NFYA: variants seen among roughly 807,000 people sequenced by gnomAD.
The protein encoded by NFYA is nuclear transcription factor Y subunit alpha, also known as CAAT-box DNA binding protein subunit A.
Under a neutral mutation model 52.8 loss-of-function variants are expected in NFYA, and 28 were observed. That is an observed-to-expected ratio of 0.53 (90% confidence interval 0.39 to 0.73). NFYA has a LOEUF of 0.73. Ranked by LOEUF, NFYA falls within the 30% of genes least tolerant of loss-of-function variation. The probability of loss-of-function intolerance (pLI) is 0.00; values close to 1 mark genes in which losing one functional copy is unlikely to be tolerated. For synonymous variants in NFYA, 150 were observed against 150.7 expected (o/e 1.00, Z 0.03); for missense variants, 234 against 427.0 (o/e 0.55, Z 3.98).
rs1365097046 is a variant in NFYA, at chr6:41,094,434, A to G, written c.927A>G (p.Ala309=). 2 of 1,614,222 alleles carry G rather than the reference A, an allele frequency of 1.2e-6. No homozygotes were observed. The highest frequency in any genetic ancestry group is 2.2e-5 in the South Asian group (2 of 91,090). The change falls in exon 9 of 10, where the codon GCA becomes GCG. Residue 309 remains alanine, a synonymous_variant. Transcript: ENST00000341376. The part of the protein sequence containing the change: ...LHESRHRHAM[A]RKRGEGGRFF... Reference sequence around the variant, plus strand: ...AGTCTCGGCACCGTCATGCCATGGCACGGAAGCGTGGTGAAGGTGGACGAT... The same window carrying G: ...AGTCTCGGCACCGTCATGCCATGGCGCGGAAGCGTGGTGAAGGTGGACGAT...
In NFYA at chr6:41,091,791, G is replaced by A. The variant is rs553670537; in HGVS notation, c.714+97G>A. The A allele has an allele frequency of 1.7e-4, 231 of 1,386,162 alleles. 1 individual carries two copies. The Admixed American group carries it at 4.4e-3, about 27-fold the overall frequency. The allele number at this position is 1,386,162 out of a possible 1,614,324, so 85.9% of individuals were successfully genotyped here. A position where few individuals can be genotyped will look rare whatever the true frequency, so the allele number is the denominator to read the frequency against. On this transcript the variant is annotated intron_variant, in intron 7 of 9. Coordinates refer to ENST00000341376, the MANE Select transcript of NFYA (RefSeq NM_002505.5). ...TATTATGTTGACCTCTTGGGATTGAGATCGATCCTTAAGGCACTGTCGGTA... is the reference window on the plus strand; with the variant it reads ...TATTATGTTGACCTCTTGGGATTGAAATCGATCCTTAAGGCACTGTCGGTA...
intron 9 of NFYA, among the ~76,000 whole-genome samples, chr6:41,096,086 A>G (rs1276217105): frequency 6.6e-6 from 1 of 152,178 alleles, no homozygotes; most frequent in Non-Finnish European, 1.5e-5. Context: ...ACATGGTTAA[A>G]GTGTTTTTTT....
chr6:41,088,654 G>A (rs1431370824), intron 4 of NFYA, among the ~76,000 whole-genome samples: 1 of 151,802 alleles, frequency 6.6e-6, no homozygotes, highest in Non-Finnish European at 1.5e-5. Context: ...TGCGGATCTT[G>A]GCTCACTGCA....
At chr6:41,077,177 T>G (rs1194680532) in intron 1 of NFYA, among the ~76,000 whole-genome samples, 1 of 152,176 alleles carries the variant, frequency 6.6e-6, no homozygotes, top group Non-Finnish European at 1.5e-5. Flanking sequence ...TGGGGAGGCG[T>G]TGAAACCTAA....
At chr6:41,090,362 CT>C in intron 6 of NFYA, 53 bp downstream of exon 6, 1 of 1,085,778 alleles carries the variant, frequency 9.2e-7, no homozygotes, top group Non-Finnish European at 1.4e-6. Flanking sequence ...TTTTTTGTCC[CT>C]TAGACAACTG....
Position 41,100,787 on chromosome 6 carries a change from C to T in NFYA, c.*3377C>T, listed in dbSNP as rs1221407750. Among the ~76,000 whole-genome samples, 1 of 152,212 alleles carries T rather than the reference C, an allele frequency of 6.6e-6. No individual in the cohort carries two copies. Among genetic ancestry groups the T allele is most frequent in the East Asian group, 1.9e-4 (1 of 5,184 alleles). Reference sequence around the variant, plus strand: ...CCTCCCCCGTTTCCAGTAGAAAAGACAGCTTTGCTCCTTTGAAAGCGCAGA... The same window carrying T: ...CCTCCCCCGTTTCCAGTAGAAAAGATAGCTTTGCTCCTTTGAAAGCGCAGA... On this transcript the variant is annotated 3_prime_UTR_variant, in exon 10 of 10. Coordinates refer to ENST00000341376, the MANE Select transcript of NFYA (RefSeq NM_002505.5).
At position 41,100,973 on chromosome 6, in the gene NFYA, T is replaced by G. The variant is rs1473173088; in HGVS notation, c.*3563T>G. ...CCTCCAATAGAGCCTGCTAGGCGGA[T>G]TGGCTGCTACGCGGCTGGGCCCTGT... On this transcript the variant is annotated 3_prime_UTR_variant, in exon 10 of 10. Coordinates refer to ENST00000341376, the MANE Select transcript of NFYA (RefSeq NM_002505.5). 6.6e-6 allele frequency: 1 copy of G among 151,118 alleles called. No homozygotes were observed. Among genetic ancestry groups the G allele is most frequent in the Non-Finnish European group, 1.5e-5 (1 of 67,826 alleles). 9.4% of individuals were successfully genotyped at this position (151,118 alleles called of 1,614,324 possible). A position where few individuals can be genotyped will look rare whatever the true frequency, so the allele number is the denominator to read the frequency against.
At chr6:41,074,079 C>G (rs1763654428) in intron 1 of NFYA, among the ~76,000 whole-genome samples, 1 of 152,236 alleles carries the variant, frequency 6.6e-6, no homozygotes, top group Non-Finnish European at 1.5e-5. Context: ...AAATCTCCCT[C>G]CCTTGGGAAT....
At chr6:41,093,870 A>G (rs1245173529) in intron 8 of NFYA, among the ~76,000 whole-genome samples, 1 of 152,250 alleles carries the variant, frequency 6.6e-6, no homozygotes, top group Non-Finnish European at 1.5e-5. Context: ...TAAGGCTAGG[A>G]AAGTCCAGCC....
intron 5 of NFYA, among the ~76,000 whole-genome samples, 164 bp downstream of exon 5, chr6:41,089,874 C>T (rs1374843929): frequency 6.6e-6 from 1 of 152,112 alleles, no homozygotes; most frequent in African/African-American, 2.4e-5. Flanking sequence ...AATCCCAGCA[C>T]TTTGAGAGGC....
chr6:41,092,233 G>A lies in NFYA; in HGVS notation c.714+539G>A, dbSNP rs371646802. Among the ~76,000 whole-genome samples the A allele has an allele frequency of 3.8e-3, 580 of 152,276 alleles. 11 individuals carry two copies. The South Asian group carries it at 0.059, about 16-fold the overall frequency. On this transcript the variant is annotated intron_variant, in intron 7 of 9. Coordinates refer to ENST00000341376, the MANE Select transcript of NFYA (RefSeq NM_002505.5). ...ACAGAGGTGGAGGAAGCTATGAAAA[G>A]AAACAGAACCAACCCTGGCTCAGTG...
intron 3 of NFYA, among the ~76,000 whole-genome samples, chr6:41,083,414 A>T (rs1300449251): frequency 6.6e-6 from 1 of 152,242 alleles, no homozygotes; most frequent in Non-Finnish European, 1.5e-5. Context: ...TGCTTTTAAG[A>T]AATCTTTAGT....
chr6:41,101,638 A>G lies in NFYA; in HGVS notation c.*4228A>G, dbSNP rs1222489787. On this transcript the variant is annotated 3_prime_UTR_variant, in exon 10 of 10. Transcript: ENST00000341376. ...ATTTAACAAATACTTACTCTGTGTC[A>G]GGGATATGAAGATGGGTAATACCAG... is the stretch of plus-strand genomic sequence containing the variant. Among the ~76,000 whole-genome samples, 1 of 152,198 alleles carries G rather than the reference A, an allele frequency of 6.6e-6. No homozygotes were observed. The highest frequency in any genetic ancestry group is 1.5e-5 in the Non-Finnish European group (1 of 68,040).
At chr6:41,092,840 A>G in intron 7 of NFYA, 72 bp from the exon 8 acceptor site, 1 of 1,490,504 alleles carries the variant, frequency 6.7e-7, no homozygotes, top group Non-Finnish European at 9.0e-7. Flanking sequence ...AAATGGATGA[A>G]GAGGAACCAA....
At chr6:41,090,124 T>A in intron 5 of NFYA, 80 bp from the exon 6 acceptor site, 4 of 676,514 alleles carry the variant, frequency 5.9e-6, no homozygotes, top group Admixed American at 5.8e-5. Context: ...AAAAAAATAA[T>A]TTTTTTTTTT....
chr6:41,101,944 G>A lies in NFYA; in HGVS notation c.*4534G>A, dbSNP rs1406287684. Reference sequence around the variant, plus strand: ...TTTCCTTTACACTGGCCTGATGTGTGGGGAGAAAGGGGCCAAAAAGTTTAG... The same window carrying A: ...TTTCCTTTACACTGGCCTGATGTGTAGGGAGAAAGGGGCCAAAAAGTTTAG... On this transcript the variant is annotated 3_prime_UTR_variant, in exon 10 of 10. Transcript: ENST00000341376. 2.0e-5 allele frequency: 3 copies of A among 152,226 alleles called. No homozygotes were observed. Among genetic ancestry groups the A allele is most frequent in the Admixed American group, 6.5e-5 (1 of 15,280 alleles). The allele number at this position is 152,226 out of a possible 1,614,324, so 9.4% of individuals were successfully genotyped here.
At chr6:41,073,638 A>T (rs1438785588) in intron 1 of NFYA, among the ~76,000 whole-genome samples, 6 of 151,696 alleles carry the variant, frequency 4.0e-5, no homozygotes, top group South Asian at 2.1e-4. Context: ...AGGCCTGGGG[A>T]GGGTGCGCGC....
chr6:41,096,394 C>T (rs999580448), intron 9 of NFYA, among the ~76,000 whole-genome samples: 2 of 152,216 alleles, frequency 1.3e-5, no homozygotes, highest in Admixed American at 6.5e-5. Flanking sequence ...CAGGAACTCT[C>T]CTCATTCTGT....
chr6:41,074,344 G>C (rs1763667413), intron 1 of NFYA, among the ~76,000 whole-genome samples: 1 of 152,206 alleles, frequency 6.6e-6, no homozygotes, highest in Non-Finnish European at 1.5e-5. Context: ...CCGTGTGTTA[G>C]GGAGGGAGTA....
Sources: gnomAD v4.1 joint callset for allele counts (sites outside exome capture counted in the v4.1 genomes callset) on GRCh38, gnomAD v4.1.1 for gene constraint, MANE v1.5 for transcripts, NCBI Gene and HGNC (gene_info 2026-07-23, HGNC 2026-07-21) for gene names.